The following MRPL48 variants were observed in gnomAD, a reference collection of about 807,000 sequenced individuals.
MRPL48 encodes mitochondrial ribosomal protein L48, also known as large ribosomal subunit protein mL48.
Under a neutral mutation model 32.9 loss-of-function variants are expected in MRPL48, and 16 were observed. The observed-to-expected ratio is 0.49, with a 90% CI of 0.33 to 0.74. The LOEUF is 0.74. MRPL48 is among the 30% of genes least tolerant of loss of function. The pLI is 0.02. For synonymous variants in MRPL48, 94 were observed against 89.2 expected, an observed-to-expected ratio of 1.05 and a Z score of -0.31; for missense variants, 206 against 245.3, an observed-to-expected ratio of 0.84 and a Z score of 1.07.
intron 4 of MRPL48, among the ~76,000 whole-genome samples, chr11:73,832,892 A>G (rs1271846138): frequency 6.6e-6 from 1 of 152,168 alleles, no homozygotes; most frequent in Non-Finnish European, 1.5e-5. Context: ...AGTATCCATG[A>G]TGCTCAGGTG....
In MRPL48 at chr11:73,855,357, C is replaced by G. The variant is rs145243174; in HGVS notation, c.372-4550C>G. On this transcript the variant is annotated intron_variant, in intron 5 of 7. Coordinates refer to ENST00000310614, the MANE Select transcript of MRPL48 (RefSeq NM_016055.6). ...AGGTGCTCCAGGGCCTGCCTTGCCTCTCTTCACACTTCCCTCCCCACCTCC... is the reference window on the plus strand; with the variant it reads ...AGGTGCTCCAGGGCCTGCCTTGCCTGTCTTCACACTTCCCTCCCCACCTCC... Among the ~76,000 whole-genome samples the G allele has an allele frequency of 9.7e-4, 148 of 152,026 alleles. No individual in the cohort carries two copies. In the East Asian group the frequency reaches 0.025, roughly 25 times the overall value.
chr11:73,795,592 C>T (rs1483323339), intron 1 of MRPL48, among the ~76,000 whole-genome samples: 3 of 151,868 alleles, frequency 2.0e-5, no homozygotes, highest in Admixed American at 6.6e-5. Flanking sequence ...CTGCAAGCCC[C>T]GCCTCCCGGG....
In MRPL48 at chr11:73,864,449, C is replaced by T. The variant is rs1948634701; in HGVS notation, c.*79C>T. On this transcript the variant is annotated 3_prime_UTR_variant, in exon 8 of 8. Coordinates refer to ENST00000310614, the MANE Select transcript of MRPL48 (RefSeq NM_016055.6). Reference sequence around the variant, plus strand: ...AGCTTACTGGGTAGTTAGAGTTCATCAGGAGACCCAACCCTTAGATTTCAT... The same window carrying T: ...AGCTTACTGGGTAGTTAGAGTTCATTAGGAGACCCAACCCTTAGATTTCAT... 1 of 1,392,532 alleles carries T rather than the reference C, an allele frequency of 7.2e-7. No homozygotes were observed. Among genetic ancestry groups the T allele is most frequent in the Non-Finnish European group, 1.0e-6 (1 of 993,124 alleles). 86.3% of individuals were successfully genotyped at this position (1,392,532 alleles called of 1,614,324 possible).
chr11:73,856,906 A>AT (rs1948489127), intron 5 of MRPL48, among the ~76,000 whole-genome samples: 1 of 152,126 alleles, frequency 6.6e-6, no homozygotes, highest in Non-Finnish European at 1.5e-5. Context: ...AAAATAAAAA[A>AT]TAAAAAAATA....
intron 6 of MRPL48, among the ~76,000 whole-genome samples, chr11:73,861,300 C>T (rs1948580475): frequency 6.6e-6 from 1 of 152,120 alleles, no homozygotes; most frequent in African/African-American, 2.4e-5. Context: ...CTTCATGATT[C>T]TCCTCCTGCT....
Position 73,805,381 on chromosome 11 carries a change from C to G in MRPL48, c.74+302C>G, listed in dbSNP as rs111289072. Among the ~76,000 whole-genome samples, 623 of 149,022 alleles carry G rather than the reference C, an allele frequency of 4.2e-3. 1 individual carries two copies. The highest frequency in any genetic ancestry group is 0.015 in the African/African-American group (589 of 40,466). On this transcript the variant is annotated intron_variant, in intron 2 of 7. Transcript: ENST00000310614. ...GCGTGATCTTGGCTCACTGCAACCT[C>G]TACCTCCCAGGTTCAAATGATTCTC...
intron 1 of MRPL48, among the ~76,000 whole-genome samples, chr11:73,789,052 G>A (rs1408393518): frequency 6.6e-6 from 1 of 152,136 alleles, no homozygotes; most frequent in Non-Finnish European, 1.5e-5. Context: ...TGGTTACCTT[G>A]GGGCTGCCCT....
rs146232365 is a variant in MRPL48, at chr11:73,825,284, A to ATATATGTGTGTGTG, written c.113-423_113-422insATATGTGTGTGTGT. On this transcript the variant is annotated intron_variant, in intron 3 of 7. Transcript: ENST00000310614. ...CTTACTGTTACCTTGTTTTTTATATATGTGTGTGTGTGTGTGTGTGTGTGT... is the reference window on the plus strand; with the variant it reads ...CTTACTGTTACCTTGTTTTTTATATATATATGTGTGTGTGTGTGTGTGTGTGTGTGTGTGTGTGT... 6.6e-4 allele frequency among the ~76,000 whole-genome samples: 92 copies of ATATATGTGTGTGTG among 139,916 alleles called. 1 individual carries two copies. The highest frequency in any genetic ancestry group is 5.0e-3 in the South Asian group (20 of 4,022). The allele number at this position is 139,916 out of a possible 152,430, so 91.8% of individuals were successfully genotyped here.
chr11:73,857,653 G>A (rs1206759807), intron 5 of MRPL48, among the ~76,000 whole-genome samples: 2 of 138,798 alleles, frequency 1.4e-5, no homozygotes, highest in Non-Finnish European at 3.1e-5. Context: ...GGAGTACAGT[G>A]GCATGATCTC....
intron 3 of MRPL48, among the ~76,000 whole-genome samples, chr11:73,809,432 A>G (rs1947528124): frequency 6.6e-6 from 1 of 150,656 alleles, no homozygotes; most frequent in Non-Finnish European, 1.5e-5. Context: ...TGAACCCCGG[A>G]GGCAGAGGTT....
chr11:73,842,482 A>G (rs1208329236), intron 4 of MRPL48: 1 of 151,796 alleles, frequency 6.6e-6, no homozygotes, highest in Non-Finnish European at 1.5e-5. Flanking sequence ...TTATTTATTT[A>G]TTTATTTAGA....
chr11:73,824,435 A>G (rs944934694), intron 3 of MRPL48, among the ~76,000 whole-genome samples: 2 of 151,992 alleles, frequency 1.3e-5, no homozygotes, highest in Non-Finnish European at 2.9e-5. Flanking sequence ...AAATAGAAAA[A>G]TTAGCCGGGT....
chr11:73,795,354 C>G (rs1206648009), intron 1 of MRPL48, among the ~76,000 whole-genome samples: 4 of 151,914 alleles, frequency 2.6e-5, no homozygotes, highest in Admixed American at 6.6e-5. Flanking sequence ...TGAGCCTGGA[C>G]TTCATCTCTG....
At chr11:73,794,710 A>T (rs1220105615) in intron 1 of MRPL48, among the ~76,000 whole-genome samples, 1 of 151,872 alleles carries the variant, frequency 6.6e-6, no homozygotes, top group Admixed American at 6.6e-5. Context: ...AGTATCATCC[A>T]GCACTTGTGT....
chr11:73,825,637 C>G, intron 3 of MRPL48, 71 bp from the exon 4 acceptor site: 1 of 1,348,424 alleles, frequency 7.4e-7, no homozygotes, highest in Admixed American at 2.1e-5. Flanking sequence ...CAGAGCAAGA[C>G]CCTGTCTCTT....
chr11:73,862,180 TG>T (rs1203802920), intron 6 of MRPL48, among the ~76,000 whole-genome samples: 1 of 152,154 alleles, frequency 6.6e-6, no homozygotes, highest in Non-Finnish European at 1.5e-5. Context: ...CCCAACATTT[TG>T]GGAGGCCGAG....
chr11:73,831,508 G>T (rs1947992567), intron 4 of MRPL48, among the ~76,000 whole-genome samples: 3 of 152,090 alleles, frequency 2.0e-5, no homozygotes, highest in Admixed American at 1.3e-4. Context: ...CTGTGGCAGT[G>T]AGTGATCATA....
chr11:73,853,784 G>A (rs546532467), intron 5 of MRPL48, among the ~76,000 whole-genome samples: 2 of 140,066 alleles, frequency 1.4e-5, no homozygotes, highest in African/African-American at 5.4e-5. Context: ...TCCGCCTCCC[G>A]GGTTGACGCC....
At chr11:73,816,903 G>A (rs769136821) in intron 3 of MRPL48, among the ~76,000 whole-genome samples, 2 of 150,834 alleles carry the variant, frequency 1.3e-5, no homozygotes, top group East Asian at 3.9e-4. Flanking sequence ...TCAGCTCACC[G>A]CAACCTCTGG....
Sources: gnomAD v4.1 joint callset for allele counts (sites outside exome capture counted in the v4.1 genomes callset) on GRCh38, gnomAD v4.1.1 for gene constraint, MANE v1.5 for transcripts, NCBI Gene and HGNC (gene_info 2026-07-23, HGNC 2026-07-21) for gene names.